The following CDH20 variants were observed in gnomAD, a reference collection of about 807,000 sequenced individuals.
CDH20 encodes cadherin-20.
In CDH20, 29 loss-of-function variants were observed where a neutral mutation model predicts 74.2. That is an observed-to-expected ratio of 0.39 (90% confidence interval 0.29 to 0.53). The LOEUF (loss-of-function observed/expected upper bound fraction) is 0.53. Ranked by LOEUF, CDH20 falls within the 20% of genes least tolerant of loss-of-function variation. The probability of loss-of-function intolerance (pLI) is 0.69; values close to 1 mark genes in which losing one functional copy is unlikely to be tolerated. For synonymous variants in CDH20, 469 were observed against 405.4 expected, an observed-to-expected ratio of 1.16 and a Z score of -1.88; for missense variants, 988 against 1,048.3, an observed-to-expected ratio of 0.94 and a Z score of 0.79.
intron 8 of CDH20, among the ~76,000 whole-genome samples, chr18:61,538,508 A>G (rs939643068): frequency 2.0e-5 from 3 of 150,496 alleles, no homozygotes; most frequent in Non-Finnish European, 4.4e-5. Flanking sequence ...CATGGATCCT[A>G]TGCTCTTGCT....
intron 1 of CDH20, among the ~76,000 whole-genome samples, chr18:61,345,292 C>A (rs1568103193): frequency 6.6e-6 from 1 of 152,062 alleles, no homozygotes; most frequent in Non-Finnish European, 1.5e-5. Context: ...TAGGAGGGAG[C>A]CCAAGCACTT....
At position 61,490,758 on chromosome 18, in the gene CDH20, C is replaced by G; in HGVS notation, c.205C>G (p.Leu69Val). The change falls in exon 2 of 12, where the codon CTG becomes GTG. Residue 69 changes from leucine (L) to valine (V), a missense_variant. Leu to Val is a conservative substitution (Grantham distance 32). Transcript: ENST00000262717. Reference protein sequence around the residue: ...RSWVWNQFFVLEEYTGTDPLY... With the variant: ...RSWVWNQFFVVEEYTGTDPLY... ...CTGGGTTTGGAACCAGTTTTTCGTT[C>G]TGGAAGAGTACACTGGGACCGACCC... 1 of 1,614,132 alleles carries G rather than the reference C, an allele frequency of 6.2e-7. No homozygotes were observed. Among genetic ancestry groups the G allele is most frequent in the Admixed American group, 1.7e-5 (1 of 60,008 alleles).
chr18:61,544,540 G>C (rs1223365960), intron 9 of CDH20, among the ~76,000 whole-genome samples: 1 of 152,164 alleles, frequency 6.6e-6, no homozygotes, highest in African/African-American at 2.4e-5. Flanking sequence ...GGATGGAGTG[G>C]GAAGGTGATC....
rs540694180 is a variant in CDH20, at chr18:61,353,690, G to A, written c.-153+19863G>A. 2.0e-4 allele frequency among the ~76,000 whole-genome samples: 30 copies of A among 152,252 alleles called. 1 individual carries two copies. Among genetic ancestry groups the A allele is most frequent in the African/African-American group, 5.3e-4 (22 of 41,548 alleles). On this transcript the variant is annotated intron_variant, in intron 1 of 11. Transcript: ENST00000262717. The surrounding 1 kb of genome is among the most constrained non-coding windows in gnomAD (Gnocchi z 4.6). ...CTTCGACCAACTCCAAACCCACTGA[G>A]ATCACTCTTGATCTTGGCCTGCACT... is the stretch of plus-strand genomic sequence containing the variant.
rs139638990 is a variant in CDH20, at chr18:61,343,369, G to C, written c.-153+9542G>C. Reference sequence around the variant, plus strand: ...ATGAAGAAATGGGGTCAAAAAGGCTGATATGATCCACTATATATGACTAGA... The same window carrying C: ...ATGAAGAAATGGGGTCAAAAAGGCTCATATGATCCACTATATATGACTAGA... On this transcript the variant is annotated intron_variant, in intron 1 of 11. Coordinates refer to ENST00000262717, the MANE Select transcript of CDH20 (RefSeq NM_031891.4). 1.4e-4 allele frequency among the ~76,000 whole-genome samples: 21 copies of C among 152,300 alleles called. No homozygotes were observed. The East Asian group carries it at 3.1e-3, about 22-fold the overall frequency.
At chr18:61,389,050 C>G (rs1911689102) in intron 1 of CDH20, among the ~76,000 whole-genome samples, 1 of 152,074 alleles carries the variant, frequency 6.6e-6, no homozygotes, top group South Asian at 2.1e-4. Context: ...ATTCAGGGTC[C>G]CCTCACAGCA....
chr18:61,489,531 G>A (rs576173208), intron 1 of CDH20, among the ~76,000 whole-genome samples: 24 of 151,344 alleles, frequency 1.6e-4, no homozygotes, highest in Non-Finnish European at 3.2e-4. Context: ...CCAGAAGTGA[G>A]GTCACCAGCT....
rs542703439 is a variant in CDH20, at chr18:61,506,183, C to A, written c.830-1190C>A. Among the ~76,000 whole-genome samples the A allele has an allele frequency of 3.9e-5, 6 of 152,242 alleles. No individual in the cohort carries two copies. The South Asian group carries it at 1.2e-3, about 32-fold the overall frequency. ...GTAGATGTTTAAACATATAACATAG[C>A]TTTATTGGGATGAGGAAAACTGTAG... is the stretch of plus-strand genomic sequence containing the variant. On this transcript the variant is annotated intron_variant, in intron 5 of 11. Coordinates refer to ENST00000262717, the MANE Select transcript of CDH20 (RefSeq NM_031891.4).
intron 1 of CDH20, among the ~76,000 whole-genome samples, chr18:61,403,050 C>A (rs1169939532): frequency 1.3e-5 from 2 of 152,108 alleles, no homozygotes; most frequent in African/African-American, 2.4e-5. Flanking sequence ...TTTTTATGAT[C>A]CCAGGATGAA....
chr18:61,363,311 T>C (rs1252179804), intron 1 of CDH20, among the ~76,000 whole-genome samples: 1 of 152,194 alleles, frequency 6.6e-6, no homozygotes, highest in Non-Finnish European at 1.5e-5. Context: ...GGTGCAGATC[T>C]CTTTATTGAG....
intron 1 of CDH20, among the ~76,000 whole-genome samples, chr18:61,439,623 A>T (rs1007211222): frequency 1.5e-4 from 23 of 152,212 alleles, no homozygotes; most frequent in Admixed American, 1.5e-3. Context: ...TCAGACTAAA[A>T]ATCATTTTAT....
intron 1 of CDH20, among the ~76,000 whole-genome samples, chr18:61,409,611 A>T (rs1432721224): frequency 6.6e-6 from 1 of 152,202 alleles, no homozygotes; most frequent in African/African-American, 2.4e-5. Flanking sequence ...AGGATCTCAT[A>T]AGCCAGAGAA....
At chr18:61,411,633 CCACACACA>C (rs138526165) in intron 1 of CDH20, among the ~76,000 whole-genome samples, 62 of 143,128 alleles carry the variant, frequency 4.3e-4, no homozygotes, top group Non-Finnish European at 7.9e-4. Flanking sequence ...AGATATGTAT[CCACACACA>C]CACACACACA....
intron 1 of CDH20, among the ~76,000 whole-genome samples, chr18:61,347,290 ATATATATAT>A (rs1568104040): frequency 5.4e-3 from 230 of 42,628 alleles, no homozygotes; most frequent in African/African-American, 0.02. Flanking sequence ...CTCTGCTAAT[ATATATATAT>A]ATATATATAT....
At chr18:61,341,614 CACCA>C (rs1568101585) in intron 1 of CDH20, among the ~76,000 whole-genome samples, 1 of 152,182 alleles carries the variant, frequency 6.6e-6, no homozygotes, top group Admixed American at 6.5e-5. Flanking sequence ...TTTGCAGAGG[CACCA>C]ACCATCATTA....
intron 1 of CDH20, among the ~76,000 whole-genome samples, chr18:61,411,061 G>T (rs1020021277): frequency 6.6e-6 from 1 of 152,072 alleles, no homozygotes; most frequent in South Asian, 2.1e-4. Flanking sequence ...TTAGCAGGGC[G>T]TGGTGGCGGG....
intron 1 of CDH20, chr18:61,404,821 C>T: frequency 6.8e-6 from 2 of 293,254 alleles, no homozygotes; most frequent in Non-Finnish European, 1.2e-5. Context: ...TTTTAACAAG[C>T]ACTGGCAAAT....
intron 7 of CDH20, among the ~76,000 whole-genome samples, chr18:61,536,098 T>A (rs1039355139): frequency 2.6e-5 from 4 of 152,198 alleles, no homozygotes; most frequent in African/African-American, 9.7e-5. Context: ...TTTTCTAGTT[T>A]CAGATTAGCA....
At chr18:61,432,862 G>T (rs1050858902) in intron 1 of CDH20, among the ~76,000 whole-genome samples, 2 of 151,990 alleles carry the variant, frequency 1.3e-5, no homozygotes, top group Non-Finnish European at 1.5e-5. Context: ...AGGGAAAGTT[G>T]TTTGTAGTTC....
Sources: gnomAD v4.1 joint callset for allele counts (sites outside exome capture counted in the v4.1 genomes callset) on GRCh38, gnomAD v4.1.1 for gene constraint, Gnocchi (gnomAD v3.1) non-coding constraint, MANE v1.5 for transcripts, NCBI Gene and HGNC (gene_info 2026-07-23, HGNC 2026-07-21) for gene names.